CDC73: variants seen among roughly 807,000 people sequenced by gnomAD.
CDC73 encodes cell division cycle 73, also known as parafibromin.
A neutral mutation model predicts 83.7 loss-of-function variants in CDC73; 21 were observed. The ratio of observed to expected loss-of-function variants is 0.25; its 90% CI spans 0.18 to 0.36. CDC73 has a LOEUF of 0.36. Ranked by LOEUF, CDC73 falls within the 10% of genes least tolerant of loss-of-function variation. The pLI, the probability that CDC73 is intolerant of heterozygous loss-of-function variation, is 1.00. For synonymous variants in CDC73, 224 were observed against 212.9 expected, an observed-to-expected ratio of 1.05 and a Z score of -0.45; for missense variants, 342 against 653.3, an observed-to-expected ratio of 0.52 and a Z score of 5.19.
chr1:193,220,401 GC>G, intron 13 of CDC73, among the ~76,000 whole-genome samples: 1 of 151,826 alleles, frequency 6.6e-6, no homozygotes, highest in Admixed American at 6.6e-5. Flanking sequence ...GCCTGCCTCG[GC>G]CTCCCAAACT....
intron 13 of CDC73, among the ~76,000 whole-genome samples, chr1:193,214,921 C>T (rs140548950): frequency 6.6e-6 from 1 of 152,124 alleles, no homozygotes. Context: ...GTTGTTTCAA[C>T]TAACATCTAC....
chr1:193,179,405 T>C (rs1479140373), intron 10 of CDC73: 1 of 152,656 alleles, frequency 6.6e-6, no homozygotes, highest in African/African-American at 2.4e-5. Flanking sequence ...TATTTGTGCC[T>C]TTAAGTGATT....
intron 2 of CDC73, among the ~76,000 whole-genome samples, chr1:193,129,152 C>T (rs146641368): frequency 1.2e-4 from 18 of 152,104 alleles, no homozygotes; most frequent in African/African-American, 3.6e-4. Context: ...TGCCTGTCAC[C>T]GCGCCTAGCT....
intron 11 of CDC73, among the ~76,000 whole-genome samples, chr1:193,204,227 G>GTGTATATATACA (rs1677143507): frequency 2.4e-4 from 3 of 12,296 alleles, no homozygotes; most frequent in Non-Finnish European, 3.9e-4. Context: ...GTATATATAT[G>GTGTATATATACA]TATATATACA....
At chr1:193,223,779 C>T (rs1677512548) in intron 13 of CDC73, among the ~76,000 whole-genome samples, 1 of 152,010 alleles carries the variant, frequency 6.6e-6, no homozygotes, top group African/African-American at 2.4e-5. Context: ...CTTTGGGTTC[C>T]TCTCTTTTCA....
intron 10 of CDC73, among the ~76,000 whole-genome samples, chr1:193,197,751 C>T (rs1677025568): frequency 6.6e-6 from 1 of 151,712 alleles, no homozygotes; most frequent in East Asian, 1.9e-4. Context: ...CATGGTGAAA[C>T]CCCGTCTCTA....
At chr1:193,180,576 T>C in intron 10 of CDC73, 1 of 1,614,138 alleles carries the variant, frequency 6.2e-7, no homozygotes, top group Non-Finnish European at 8.5e-7. Context: ...CTAAAGAAAC[T>C]TTAAAAATCT....
chr1:193,227,280 A>G (rs1677582224), intron 13 of CDC73, among the ~76,000 whole-genome samples: 1 of 152,024 alleles, frequency 6.6e-6, no homozygotes, highest in Non-Finnish European at 1.5e-5. Flanking sequence ...TGCTACATGT[A>G]AAGCAGCACA....
intron 7 of CDC73, among the ~76,000 whole-genome samples, chr1:193,144,931 G>C (rs893315076): frequency 6.6e-6 from 1 of 151,810 alleles, no homozygotes; most frequent in Non-Finnish European, 1.5e-5. Context: ...AGAATTTTGG[G>C]AAGTTTCTTT....
rs1676127522 is a variant in CDC73 at position 193,152,265 on chromosome 1, G to A, written c.908-115G>A. The A allele has an allele frequency of 3.6e-5, 26 of 713,678 alleles. No homozygotes were observed. The South Asian group carries it at 3.9e-4, about 11-fold the overall frequency. 44.2% of individuals were successfully genotyped at this position (713,678 alleles called of 1,614,324 possible). A position where few individuals can be genotyped will look rare whatever the true frequency, so the allele number is the denominator to read the frequency against. On this transcript the variant is annotated intron_variant, in intron 9 of 16. Transcript: ENST00000367435. ...TTTAATTTTACATAGTAGATTCAAG[G>A]CTTTGTATATTATTGAACCATCACA...
At chr1:193,201,657 T>C (rs1221730127) in intron 10 of CDC73, among the ~76,000 whole-genome samples, 2 of 152,178 alleles carry the variant, frequency 1.3e-5, no homozygotes, top group African/African-American at 4.8e-5. Context: ...ATACCCATTA[T>C]TGGTATTTAA....
chr1:193,137,945 A>C (rs1203300305), intron 5 of CDC73, 140 bp from the exon 6 acceptor site: 10 of 692,832 alleles, frequency 1.4e-5, no homozygotes, highest in Middle Eastern at 2.7e-4. Flanking sequence ...AGCCAAAAGT[A>C]GTCTTGAAGT....
At chr1:193,162,500 G>A (rs1353117719) in intron 10 of CDC73, among the ~76,000 whole-genome samples, 1 of 151,002 alleles carries the variant, frequency 6.6e-6, no homozygotes, top group Non-Finnish European at 1.5e-5. Flanking sequence ...AGCCTCCTGA[G>A]TAGCTGAGAC....
intron 15 of CDC73, among the ~76,000 whole-genome samples, chr1:193,240,639 C>T (rs1261295533): frequency 6.6e-6 from 1 of 152,056 alleles, no homozygotes; most frequent in African/African-American, 2.4e-5. Flanking sequence ...ATTTGTTTGC[C>T]ATTTATTTGT....
intron 10 of CDC73, chr1:193,181,055 T>C: frequency 6.2e-7 from 1 of 1,614,010 alleles, no homozygotes; most frequent in Non-Finnish European, 8.5e-7. Context: ...GTTTGCCGAA[T>C]AGCTCTTCTA....
At chr1:193,173,558 T>C (rs1346484130) in intron 10 of CDC73, among the ~76,000 whole-genome samples, 1 of 152,172 alleles carries the variant, frequency 6.6e-6, no homozygotes, top group Non-Finnish European at 1.5e-5. Context: ...TCCTGAAAAT[T>C]GTCTTTTTGT....
chr1:193,144,510 T>G (rs1168804616), intron 7 of CDC73, among the ~76,000 whole-genome samples: 3 of 152,224 alleles, frequency 2.0e-5, no homozygotes, highest in Non-Finnish European at 1.5e-5. Flanking sequence ...TTTGCAGTGA[T>G]GGTACACAAT....
Position 193,250,726 on chromosome 1 carries a change from T to C in CDC73, c.*14T>C. On this transcript the variant is annotated 3_prime_UTR_variant, in exon 17 of 17. Transcript: ENST00000367435. ...TTGAGATTCTGAATTATTTGGCTCCTCCATTTCTGGAAATTGAGACTCAAG... is the reference window on the plus strand; with the variant it reads ...TTGAGATTCTGAATTATTTGGCTCCCCCATTTCTGGAAATTGAGACTCAAG... The C allele has an allele frequency of 7.5e-6, 12 of 1,603,932 alleles. No homozygotes were observed. The highest frequency in any genetic ancestry group is 1.0e-5 in the Non-Finnish European group (12 of 1,171,392).
intron 10 of CDC73, among the ~76,000 whole-genome samples, chr1:193,177,251 C>T (rs1046086490): frequency 2.7e-5 from 4 of 148,630 alleles, no homozygotes; most frequent in Non-Finnish European, 5.9e-5. Flanking sequence ...CGGCCGGGCG[C>T]GGTGGCTCAA....
Sources: gnomAD v4.1 joint callset for allele counts (sites outside exome capture counted in the v4.1 genomes callset) on GRCh38, gnomAD v4.1.1 for gene constraint, MANE v1.5 for transcripts, NCBI Gene and HGNC (gene_info 2026-07-23, HGNC 2026-07-21) for gene names.